Variants in COQ8B observed in about 807,000 individuals in gnomAD.
COQ8B encodes coenzyme Q8B.
COQ8B carries 44 observed loss-of-function variants against 62.0 expected under a neutral mutation model. The observed-to-expected ratio is 0.71, with a 90% CI of 0.56 to 0.91. The LOEUF is 0.91. Among genes scored for constraint, COQ8B ranks in the 40% least tolerant of loss-of-function variants. The pLI is 0.00. For missense variants in COQ8B, 649 were observed against 731.6 expected (o/e 0.89, Z 1.30); for synonymous variants, 252 against 289.9 (o/e 0.87, Z 1.33).
intron 10 of COQ8B, 111 bp from the exon 11 acceptor site, chr19:40,700,562 C>A (rs1555756517): frequency 7.6e-7 from 1 of 1,321,338 alleles, no homozygotes; most frequent in Non-Finnish European, 1.0e-6. Context: ...CTGCGCCATG[C>A]CCTCCCTCCT....
chr19:40,713,544 G>A (rs1389608259), intron 4 of COQ8B, among the ~76,000 whole-genome samples: 6 of 141,940 alleles, frequency 4.2e-5, no homozygotes, highest in Non-Finnish European at 7.6e-5. Flanking sequence ...GGGATACTCC[G>A]TCTCAAAAAA....
intron 2 of COQ8B, 45 bp from the exon 3 acceptor site, chr19:40,714,442 C>T: frequency 1.2e-6 from 2 of 1,612,752 alleles, no homozygotes; most frequent in South Asian, 1.1e-5. Context: ...CATGGGATCA[C>T]CTGGCCCTTC....
chr19:40,700,458 C>A lies in COQ8B; in HGVS notation c.894-7G>T, dbSNP rs1406364614. The A allele has an allele frequency of 6.2e-7, 1 of 1,612,258 alleles. No homozygotes were observed. The highest frequency in any genetic ancestry group is 1.3e-5 in the African/African-American group (1 of 75,028). ...GTCATTTGCCAGCAGCTGCCTGGGG[C>A]AGAAGGAAAGGGAGGAAGGGGACTT... On this transcript the variant is annotated splice_region_variant and splice_polypyrimidine_tract_variant and intron_variant, in intron 10 of 14. Transcript: ENST00000324464.
At position 40,710,049 on chromosome 19, in the gene COQ8B, G is replaced by A. The variant is rs1162431266; in HGVS notation, c.367+10C>T. The stretch of plus-strand genomic sequence containing the variant: ...CCAGGATCTGAACCCAGGCAGTGTG[G>A]CTCACTCACCTGACTGCAGACGACC... On this transcript the variant is annotated intron_variant, in intron 5 of 14. Transcript: ENST00000324464. 3.1e-6 allele frequency: 5 copies of A among 1,613,154 alleles called. No individual in the cohort carries two copies. The Admixed American group carries it at 6.7e-5, about 22-fold the overall frequency.
chr19:40,706,127 T>C (rs1410604598), intron 5 of COQ8B, among the ~76,000 whole-genome samples: 1 of 151,924 alleles, frequency 6.6e-6, no homozygotes, highest in Non-Finnish European at 1.5e-5. Flanking sequence ...GTTACACTGA[T>C]ATAAAGAGCA....
At chr19:40,715,631 G>T (rs1014145140) in intron 1 of COQ8B, 18 of 983,962 alleles carry the variant, frequency 1.8e-5, no homozygotes, top group Non-Finnish European at 2.1e-5. Flanking sequence ...ACTCTCTCGT[G>T]TACATACCCT....
intron 11 of COQ8B, 21 bp downstream of exon 11, chr19:40,700,289 C>T: frequency 1.2e-6 from 2 of 1,611,812 alleles, no homozygotes; most frequent in African/African-American, 2.7e-5. Flanking sequence ...GCCCTTCCCA[C>T]TGTGCCACCA....
In COQ8B at chr19:40,693,046, A is replaced by T; in HGVS notation, c.1210-9T>A. The T allele has an allele frequency of 6.2e-7, 1 of 1,612,598 alleles. No individual in the cohort carries two copies. Among genetic ancestry groups the T allele is most frequent in the Non-Finnish European group, 8.5e-7 (1 of 1,179,040 alleles). Reference sequence around the variant, plus strand: ...GCTGCAGCCTTCACCACCTGGGGAGACGGGTGGGAGTTAGAGGGACAAAGG... The same window carrying T: ...GCTGCAGCCTTCACCACCTGGGGAGTCGGGTGGGAGTTAGAGGGACAAAGG... On this transcript the variant is annotated splice_polypyrimidine_tract_variant and intron_variant, in intron 13 of 14. Coordinates refer to ENST00000324464, the MANE Select transcript of COQ8B (RefSeq NM_024876.4).
chr19:40,692,383 G>C lies in COQ8B; in HGVS notation c.1297-10C>G. The C allele has an allele frequency of 1.9e-6, 3 of 1,611,310 alleles. No individual in the cohort carries two copies. The highest frequency in any genetic ancestry group is 2.5e-6 in the Non-Finnish European group (3 of 1,179,262). ...GGGCGTCGGAGAATGCCTGGGAGTG[G>C]GGGTGGGGGGAGAGCAAAGGCAGCC... is the stretch of plus-strand genomic sequence containing the variant. On this transcript the variant is annotated splice_polypyrimidine_tract_variant and intron_variant, in intron 14 of 14. Transcript: ENST00000324464.
Position 40,700,125 on chromosome 19 carries a change from C to T in COQ8B, c.1085G>A (p.Arg362Gln), listed in dbSNP as rs1002049078. The T allele has an allele frequency of 1.9e-6, 3 of 1,614,080 alleles. No homozygotes were observed. Among genetic ancestry groups the T allele is most frequent in the Non-Finnish European group, 2.5e-6 (3 of 1,180,044 alleles). The change falls in exon 12 of 15, where the codon CGA becomes CAA. Residue 362 changes from arginine (R) to glutamine (Q), a missense_variant. Coordinates refer to ENST00000324464, the MANE Select transcript of COQ8B (RefSeq NM_024876.4). ...TLCLRELFEF[R>Q]FMQTDPNWAN... The stretch of plus-strand genomic sequence containing the variant: ...CCAGTTGGGGTCAGTCTGCATGAAT[C>T]GGAACTCAAACAGCTCCCGCAGACA...
At position 40,711,707 on chromosome 19, in the gene COQ8B, C is replaced by G. The variant is rs2082143178; in HGVS notation, c.290-1571G>C. ...TCTCTCCTTCTTTTGTTGTCACCAT[C>G]TCTGTCAATTACCATATCTGGCATT... is the stretch of plus-strand genomic sequence containing the variant. On this transcript the variant is annotated intron_variant, in intron 4 of 14. Coordinates refer to ENST00000324464, the MANE Select transcript of COQ8B (RefSeq NM_024876.4). Among the ~76,000 whole-genome samples the G allele has an allele frequency of 2.0e-5, 3 of 152,240 alleles. No individual in the cohort carries two copies. The South Asian group carries it at 6.2e-4, about 32-fold the overall frequency.
chr19:40,711,591 CTCTT>C (rs1227451041), intron 4 of COQ8B, among the ~76,000 whole-genome samples: 1 of 152,122 alleles, frequency 6.6e-6, no homozygotes, highest in African/African-American at 2.4e-5. Context: ...CTATCTAGAT[CTCTT>C]TCTCTCTTTT....
In COQ8B at chr19:40,692,083, AG is replaced by A. The variant is rs766500855; in HGVS notation, c.1586del (p.Thr529MetfsTer?). The A allele has an allele frequency of 2.5e-6, 4 of 1,608,994 alleles. No individual in the cohort carries two copies. The highest frequency in any genetic ancestry group is 2.5e-6 in the Non-Finnish European group (3 of 1,177,876). On this transcript the variant is annotated frameshift_variant, in exon 15 of 15. Coordinates refer to ENST00000324464, the MANE Select transcript of COQ8B (RefSeq NM_024876.4). LOFTEE classifies it low-confidence loss of function (END_TRUNC). ...YWASRQPDAA[T>X]AGSLPTKGDS... ...CCCCTTTGGTGGGGAGGCTGCCGGC[AG>A]TGGCTGCGTCTGGCTGGCGACTGGC...
intron 5 of COQ8B, 24 bp from the exon 6 acceptor site, chr19:40,705,471 A>AT: frequency 6.6e-7 from 1 of 1,524,318 alleles, no homozygotes; most frequent in Non-Finnish European, 8.8e-7. Flanking sequence ...AACCATTAGA[A>AT]TTATAACCAC....
At chr19:40,713,684 C>A (rs1568444064) in intron 4 of COQ8B, among the ~76,000 whole-genome samples, 1 of 146,294 alleles carries the variant, frequency 6.8e-6, no homozygotes, top group East Asian at 1.9e-4. Flanking sequence ...CCACTGCACT[C>A]CAGCCTGGGC....
intron 10 of COQ8B, chr19:40,700,659 T>G: frequency 3.3e-6 from 2 of 598,388 alleles, no homozygotes; most frequent in Non-Finnish European, 5.7e-6. Context: ...GTGCCTACTC[T>G]GCACCTGCCT....
At chr19:40,697,875 G>GAGAGAGGGAGAGAGAC (rs58313890) in intron 12 of COQ8B, among the ~76,000 whole-genome samples, 1 of 103,472 alleles carries the variant, frequency 9.7e-6, no homozygotes, top group African/African-American at 4.2e-5. Context: ...GAGAGAGAGA[G>GAGAGAGGGAGAGAGAC]AGTTTCTACT....
chr19:40,710,364 C>T (rs2082131502), intron 4 of COQ8B, among the ~76,000 whole-genome samples: 1 of 152,244 alleles, frequency 6.6e-6, no homozygotes, highest in African/African-American at 2.4e-5. Flanking sequence ...CCTGCCTCAG[C>T]CTCCCGAGTA....
At chr19:40,705,033 G>A (rs1406154065) in intron 7 of COQ8B, 63 bp downstream of exon 7, 23 of 1,455,676 alleles carry the variant, frequency 1.6e-5, no homozygotes, top group African/African-American at 2.8e-5. Context: ...AGCCAGGAAG[G>A]TCAGGCAGGT....
Sources: allele counts gnomAD v4.1 joint callset (sites outside exome capture counted in the v4.1 genomes callset), GRCh38; gene constraint gnomAD v4.1.1; transcripts MANE v1.5; gene names NCBI Gene and HGNC (gene_info 2026-07-23, HGNC 2026-07-21).